Variants in MTUS2 observed in about 807,000 individuals in gnomAD.
MTUS2 encodes the protein microtubule associated scaffold protein 2, also known as microtubule-associated tumor suppressor candidate 2.
A neutral mutation model predicts 114.1 loss-of-function variants in MTUS2; 40 were observed. That is an observed-to-expected ratio of 0.35 (90% CI 0.27 to 0.46). The LOEUF is 0.46. Ranked by LOEUF, MTUS2 falls within the 20% of genes least tolerant of loss-of-function variation. The pLI is 1.00. For synonymous variants in MTUS2, 688 were observed against 672.0 expected (o/e 1.02, Z -0.37); for missense variants, 1,679 against 1,705.4 (o/e 0.98, Z 0.27).
chr13:29,021,609 T>G (rs978851458), intron 2 of MTUS2, among the ~76,000 whole-genome samples: 1 of 152,182 alleles, frequency 6.6e-6, no homozygotes, highest in African/African-American at 2.4e-5. Flanking sequence ...CACAGAAAAT[T>G]AGAGGCAGTT....
rs140460291 is a variant in MTUS2, at chr13:29,361,511, T to C, written c.3117+2038T>C. Among the ~76,000 whole-genome samples the C allele has an allele frequency of 7.9e-5, 12 of 152,328 alleles. No homozygotes were observed. The East Asian group carries it at 1.4e-3, about 17-fold the overall frequency. ...AATTGAACATAATCAGTGGCTTTTATGCAGGCCGTCATGCATGCCATGTAG... is the reference window on the plus strand; with the variant it reads ...AATTGAACATAATCAGTGGCTTTTACGCAGGCCGTCATGCATGCCATGTAG... On this transcript the variant is annotated intron_variant, in intron 8 of 15. Coordinates refer to ENST00000612955, the MANE Select transcript of MTUS2 (RefSeq NM_001033602.4).
chr13:29,270,292 A>T (rs1326151851), intron 5 of MTUS2, among the ~76,000 whole-genome samples: 1 of 152,172 alleles, frequency 6.6e-6, no homozygotes, highest in East Asian at 1.9e-4. Flanking sequence ...GTGTTGAAAG[A>T]TTCATGGTGC....
At chr13:28,874,648 C>T (rs1877826749) in intron 2 of MTUS2, among the ~76,000 whole-genome samples, 1 of 152,076 alleles carries the variant, frequency 6.6e-6, no homozygotes. Flanking sequence ...AGCAAACCGT[C>T]CAAGAGGCCA....
At chr13:29,373,984 C>T (rs1022760650) in intron 8 of MTUS2, among the ~76,000 whole-genome samples, 11 of 151,958 alleles carry the variant, frequency 7.2e-5, no homozygotes, top group African/African-American at 2.7e-4. Flanking sequence ...AAGCAGTTAC[C>T]CTTGAAATTC....
At chr13:29,463,829 T>C (rs996750958) in intron 9 of MTUS2, among the ~76,000 whole-genome samples, 1 of 152,212 alleles carries the variant, frequency 6.6e-6, no homozygotes, top group Middle Eastern at 3.4e-3. Context: ...CGAAACCCCA[T>C]CTCTACTAAA....
At chr13:28,957,497 T>C (rs1357008640) in intron 2 of MTUS2, among the ~76,000 whole-genome samples, 2 of 152,230 alleles carry the variant, frequency 1.3e-5, no homozygotes, top group African/African-American at 4.8e-5. Flanking sequence ...ATGCACAGAC[T>C]TTTTTTCTTG....
At chr13:29,186,593 T>C (rs1894233952) in intron 5 of MTUS2, among the ~76,000 whole-genome samples, 1 of 152,212 alleles carries the variant, frequency 6.6e-6, no homozygotes, top group South Asian at 2.1e-4. Flanking sequence ...TGAACATTAA[T>C]GCACTTAACA....
chr13:29,297,459 C>T (rs562794299), intron 6 of MTUS2, among the ~76,000 whole-genome samples: 1 of 152,114 alleles, frequency 6.6e-6, no homozygotes, highest in African/African-American at 2.4e-5. Flanking sequence ...ACCCCCACAC[C>T]CCTAGTCATA....
At chr13:29,105,698 G>A (rs906883542) in intron 5 of MTUS2, among the ~76,000 whole-genome samples, 5 of 148,098 alleles carry the variant, frequency 3.4e-5, no homozygotes, top group Non-Finnish European at 7.4e-5. Context: ...TGATAGGGAA[G>A]TAGGGATACA....
At chr13:28,955,094 T>A (rs1882993909) in intron 2 of MTUS2, among the ~76,000 whole-genome samples, 1 of 152,172 alleles carries the variant, frequency 6.6e-6, no homozygotes, top group African/African-American at 2.4e-5. Context: ...TTGGCAGAGC[T>A]GCTATTCAGA....
chr13:29,144,518 T>G (rs9506112), intron 5 of MTUS2, among the ~76,000 whole-genome samples: 26,852 of 152,066 alleles, frequency 0.18, 5,012 homozygotes, highest in African/African-American at 0.48. Flanking sequence ...AATGAGCCAC[T>G]GTGGCCAGCT....
chr13:28,939,375 CTGTT>C (rs1269971899), intron 2 of MTUS2, among the ~76,000 whole-genome samples: 1 of 152,050 alleles, frequency 6.6e-6, no homozygotes, highest in Non-Finnish European at 1.5e-5. Flanking sequence ...ATACTCAAGA[CTGTT>C]TGTTTATATT....
intron 2 of MTUS2, among the ~76,000 whole-genome samples, chr13:28,914,534 A>G (rs1206895371): frequency 6.6e-6 from 1 of 151,514 alleles, no homozygotes; most frequent in Non-Finnish European, 1.5e-5. Flanking sequence ...TTTAGAGCAA[A>G]TGTGGCAATG....
At position 29,504,115 on chromosome 13, in the gene MTUS2, G is replaced by A. The variant is rs954014338; in HGVS notation, c.*909G>A. The A allele has an allele frequency of 8.6e-6, 2 of 231,898 alleles. No individual in the cohort carries two copies. Among genetic ancestry groups the A allele is most frequent in the Non-Finnish European group, 1.7e-5 (2 of 117,278 alleles). The allele number at this position is 231,898 out of a possible 1,614,324, so 14.4% of individuals were successfully genotyped here. On this transcript the variant is annotated 3_prime_UTR_variant, in exon 16 of 16. Transcript: ENST00000612955. ...AAACATGGCAGAGCATGACCTTTGA[G>A]TAAGAGTGAGGATGACCTTGCAGAT...
At chr13:29,398,759 A>G (rs1260516107) in intron 8 of MTUS2, among the ~76,000 whole-genome samples, 1 of 152,132 alleles carries the variant, frequency 6.6e-6, no homozygotes, top group Non-Finnish European at 1.5e-5. Context: ...AAAAATCACA[A>G]AACACACACA....
chr13:29,220,170 G>GT (rs888007920), intron 5 of MTUS2, among the ~76,000 whole-genome samples: 26 of 151,252 alleles, frequency 1.7e-4, no homozygotes, highest in African/African-American at 4.4e-4. Context: ...TGACTTTTTT[G>GT]TTTTTTTTTA....
intron 5 of MTUS2, among the ~76,000 whole-genome samples, chr13:29,102,861 C>T (rs1244562312): frequency 6.6e-6 from 1 of 152,140 alleles, no homozygotes; most frequent in Admixed American, 6.5e-5. Context: ...AAATATGAAG[C>T]TCTTGAGAGA....
intron 5 of MTUS2, among the ~76,000 whole-genome samples, chr13:29,192,587 T>G (rs1215675724): frequency 6.6e-6 from 1 of 152,208 alleles, no homozygotes; most frequent in Non-Finnish European, 1.5e-5. Context: ...TTTGAGATGA[T>G]ATATATGCTA....
At chr13:29,079,032 C>A (rs991442566) in intron 4 of MTUS2, among the ~76,000 whole-genome samples, 9 of 152,180 alleles carry the variant, frequency 5.9e-5, no homozygotes, top group Non-Finnish European at 1.0e-4. Context: ...TTTACATTCC[C>A]ACCAGCTATA....
Sources: allele counts gnomAD v4.1 joint callset (sites outside exome capture counted in the v4.1 genomes callset), GRCh38; gene constraint gnomAD v4.1.1; transcripts MANE v1.5; gene names NCBI Gene and HGNC (gene_info 2026-07-23, HGNC 2026-07-21).